CPA6: variants seen among roughly 807,000 people sequenced by gnomAD.
CPA6 encodes the protein carboxypeptidase A6.
CPA6 carries 58 observed loss-of-function variants against 63.3 expected under a neutral mutation model. That is an observed-to-expected ratio of 0.92 (90% CI 0.74 to 1.14). The LOEUF is 1.14. Among genes scored for constraint, CPA6 ranks in the 50% most tolerant of loss-of-function variants. The probability of loss-of-function intolerance (pLI) is 0.00; values close to 1 mark genes in which losing one functional copy is unlikely to be tolerated. For synonymous variants in CPA6, 185 were observed against 179.0 expected (o/e 1.03, Z -0.27); for missense variants, 565 against 526.6 (o/e 1.07, Z -0.71).
chr8:67,700,448 T>C (rs1290742480), intron 1 of CPA6, among the ~76,000 whole-genome samples: 3 of 152,226 alleles, frequency 2.0e-5, no homozygotes, highest in African/African-American at 4.8e-5. Context: ...ACAAAGAAAG[T>C]CTTTTGCAAT....
chr8:67,545,843 G>A (rs934966443), intron 2 of CPA6, among the ~76,000 whole-genome samples: 3 of 152,088 alleles, frequency 2.0e-5, no homozygotes, highest in South Asian at 2.1e-4. Context: ...GATTACAGGC[G>A]TGAACTACCT....
chr8:67,636,945 T>G (rs555910495), intron 1 of CPA6, among the ~76,000 whole-genome samples: 16 of 151,748 alleles, frequency 1.1e-4, no homozygotes, highest in Admixed American at 8.5e-4. Flanking sequence ...TGGCAGAACA[T>G]GCTCTAGAGA....
chr8:67,507,456 CT>C (rs1257663783), intron 5 of CPA6, among the ~76,000 whole-genome samples: 1 of 152,058 alleles, frequency 6.6e-6, no homozygotes, highest in Non-Finnish European at 1.5e-5. Flanking sequence ...GTAGATTTTT[CT>C]TTACAATCCT....
chr8:67,735,917 G>C (rs1200464398), intron 1 of CPA6, among the ~76,000 whole-genome samples: 1 of 152,058 alleles, frequency 6.6e-6, no homozygotes, highest in Non-Finnish European at 1.5e-5. Flanking sequence ...TCCCTCCAGG[G>C]GCACATTGCA....
At chr8:67,455,624 C>G (rs2128956279) in intron 8 of CPA6, among the ~76,000 whole-genome samples, 1 of 119,082 alleles carries the variant, frequency 8.4e-6, no homozygotes, top group Non-Finnish European at 1.6e-5. Context: ...AGTTTGAGAC[C>G]AGCCTGGAAA....
At chr8:67,481,829 G>A (rs1367407389) in intron 8 of CPA6, among the ~76,000 whole-genome samples, 1 of 152,200 alleles carries the variant, frequency 6.6e-6, no homozygotes, top group Non-Finnish European at 1.5e-5. Flanking sequence ...CTGGGAGGGA[G>A]GCAGGTCACA....
At chr8:67,738,622 T>C (rs1179343171) in intron 1 of CPA6, among the ~76,000 whole-genome samples, 6 of 152,132 alleles carry the variant, frequency 3.9e-5, no homozygotes, top group Non-Finnish European at 7.4e-5. Flanking sequence ...ATTTTCGAAG[T>C]ACACTGGAAA....
intron 2 of CPA6, among the ~76,000 whole-genome samples, chr8:67,548,220 C>T (rs1166796270): frequency 7.9e-6 from 1 of 126,312 alleles, no homozygotes; most frequent in Non-Finnish European, 1.6e-5. Flanking sequence ...TTCCCCTCTT[C>T]TCTCCTCCCC....
intron 1 of CPA6, among the ~76,000 whole-genome samples, chr8:67,643,156 A>G (rs1815633892): frequency 6.6e-6 from 1 of 152,228 alleles, no homozygotes; most frequent in South Asian, 2.1e-4. Context: ...GAATAGATGC[A>G]TATCATCCTT....
chr8:67,701,247 T>C (rs1817018486), intron 1 of CPA6, among the ~76,000 whole-genome samples: 1 of 152,116 alleles, frequency 6.6e-6, no homozygotes, highest in Non-Finnish European at 1.5e-5. Flanking sequence ...CAGCTTCAAT[T>C]TTAGGGTGCT....
At chr8:67,671,724 G>C (rs564477611) in intron 1 of CPA6, among the ~76,000 whole-genome samples, 43 of 152,270 alleles carry the variant, frequency 2.8e-4, no homozygotes, top group African/African-American at 1.0e-3. Context: ...TGCAGGCTAG[G>C]ATGTTTCCTA....
chr8:67,471,706 C>CTGTGTTTGAGA (rs1796018588), intron 8 of CPA6, among the ~76,000 whole-genome samples: 1 of 152,152 alleles, frequency 6.6e-6, no homozygotes, highest in Admixed American at 6.5e-5. Context: ...AAAAGAATAT[C>CTGTGTTTGAGA]ATCATTTACC....
At chr8:67,448,840 A>G (rs1469115115) in intron 8 of CPA6, among the ~76,000 whole-genome samples, 1 of 152,030 alleles carries the variant, frequency 6.6e-6, no homozygotes, top group Admixed American at 6.6e-5. Flanking sequence ...TTGTACATAT[A>G]TAATGTTATC....
chr8:67,536,250 G>T (rs1193693405), intron 2 of CPA6, among the ~76,000 whole-genome samples: 1 of 152,176 alleles, frequency 6.6e-6, no homozygotes, highest in Non-Finnish European at 1.5e-5. Context: ...ACGGTAGCTT[G>T]ATGGGAATAG....
At chr8:67,505,123 A>C (rs909948950) in intron 6 of CPA6, among the ~76,000 whole-genome samples, 1 of 152,176 alleles carries the variant, frequency 6.6e-6, no homozygotes, top group Admixed American at 6.5e-5. Flanking sequence ...CAGATTGTGT[A>C]CTATAAAAAT....
chr8:67,651,730 T>A (rs539486771), intron 1 of CPA6, among the ~76,000 whole-genome samples: 3 of 152,200 alleles, frequency 2.0e-5, no homozygotes, highest in Non-Finnish European at 2.9e-5. Flanking sequence ...AGAGCTATTC[T>A]ATTTTTTTTT....
intron 1 of CPA6, among the ~76,000 whole-genome samples, chr8:67,627,896 C>T (rs564349177): frequency 1.3e-5 from 2 of 152,292 alleles, no homozygotes; most frequent in South Asian, 4.1e-4. Flanking sequence ...AAAACTATTA[C>T]CGAATGCCTT....
chr8:67,468,446 T>C (rs538244867), intron 8 of CPA6, among the ~76,000 whole-genome samples: 12 of 151,208 alleles, frequency 7.9e-5, no homozygotes, highest in African/African-American at 2.7e-4. Flanking sequence ...TACCAGTGGG[T>C]GTGGTGGCAG....
At chr8:67,606,701 G>A (rs1814645909) in intron 2 of CPA6, among the ~76,000 whole-genome samples, 1 of 152,214 alleles carries the variant, frequency 6.6e-6, no homozygotes, top group South Asian at 2.1e-4. Flanking sequence ...GTGGAGAAAG[G>A]TCCTTGGTTG....
Sources: gnomAD v4.1 joint callset for allele counts (sites outside exome capture counted in the v4.1 genomes callset) on GRCh38, gnomAD v4.1.1 for gene constraint, MANE v1.5 for transcripts, NCBI Gene and HGNC (gene_info 2026-07-23, HGNC 2026-07-21) for gene names.